Variants in KHDRBS2 observed in about 807,000 individuals in gnomAD.
KHDRBS2 encodes the protein KH domain-containing, RNA-binding, signal transduction-associated protein 2.
Under a neutral mutation model 44.3 loss-of-function variants are expected in KHDRBS2, and 26 were observed. That is an observed-to-expected ratio of 0.59 (90% CI 0.43 to 0.81). The LOEUF (loss-of-function observed/expected upper bound fraction) is 0.81. KHDRBS2 is among the 40% of genes least tolerant of loss of function. The pLI, the probability that KHDRBS2 is intolerant of heterozygous loss-of-function variation, is 0.00. For synonymous variants in KHDRBS2, 194 were observed against 151.1 expected, an observed-to-expected ratio of 1.28 and a Z score of -2.08; for missense variants, 476 against 433.1, an observed-to-expected ratio of 1.10 and a Z score of -0.88.
At chr6:62,267,905 A>G (rs753393870) in intron 1 of KHDRBS2, among the ~76,000 whole-genome samples, 6 of 152,098 alleles carry the variant, frequency 3.9e-5, no homozygotes, top group Non-Finnish European at 5.9e-5. Context: ...ATTGTTCAAT[A>G]CTATGAAATT....
chr6:62,016,214 GA>G (rs1368739372), intron 3 of KHDRBS2, among the ~76,000 whole-genome samples: 1 of 151,946 alleles, frequency 6.6e-6, no homozygotes, highest in East Asian at 1.9e-4. Context: ...TTTAATAGTA[GA>G]ATGAGGTAGG....
chr6:61,544,655 G>A, the KHDRBS2 span, among the ~76,000 whole-genome samples: 1 of 152,060 alleles, frequency 6.6e-6, no homozygotes, highest in East Asian at 1.9e-4. Flanking sequence ...TTAGATAAGA[G>A]GCTCAGTAAG....
chr6:61,910,260 AG>A (rs1314691261), intron 4 of KHDRBS2, among the ~76,000 whole-genome samples: 2 of 152,224 alleles, frequency 1.3e-5, no homozygotes, highest in African/African-American at 4.8e-5. Context: ...TAGCCAACAC[AG>A]GGTGAGTTTT....
At chr6:61,554,004 T>C in the KHDRBS2 span, among the ~76,000 whole-genome samples, 8 of 152,192 alleles carry the variant, frequency 5.3e-5, 1 homozygote. Flanking sequence ...GTTTTGTAGA[T>C]GTCTCTTAGG....
the KHDRBS2 span, among the ~76,000 whole-genome samples, chr6:61,599,196 A>C: frequency 1.3e-5 from 2 of 152,006 alleles, no homozygotes; most frequent in Non-Finnish European, 2.9e-5. Context: ...GGCCTCCCAA[A>C]GTGCTGGGAT....
chr6:61,896,667 C>G (rs1269205068), intron 5 of KHDRBS2, among the ~76,000 whole-genome samples: 1 of 152,124 alleles, frequency 6.6e-6, no homozygotes, highest in East Asian at 1.9e-4. Flanking sequence ...ACCACAGTAT[C>G]CTGTCGTTTA....
rs1265978531 is a variant in KHDRBS2, at chr6:61,894,837, A to T, written c.612-4T>A. On this transcript the variant is annotated splice_polypyrimidine_tract_variant and splice_region_variant and intron_variant, in intron 5 of 8. Transcript: ENST00000281156. ...AGGAATGGCACCCCCACGGCCCCTA[A>T]GAGAAACAAGTCATGTATAGATGAG... 6.2e-7 allele frequency: 1 copy of T among 1,608,876 alleles called. No homozygotes were observed. The highest frequency in any genetic ancestry group is 8.5e-7 in the Non-Finnish European group (1 of 1,177,408).
intron 6 of KHDRBS2, among the ~76,000 whole-genome samples, chr6:61,811,027 C>G (rs183402117): frequency 6.6e-6 from 1 of 151,994 alleles, no homozygotes; most frequent in South Asian, 2.1e-4. Flanking sequence ...TTGTATGATA[C>G]TGAGGCTTGG....
chr6:62,226,198 T>C (rs1335751362), intron 1 of KHDRBS2, among the ~76,000 whole-genome samples: 2 of 152,178 alleles, frequency 1.3e-5, no homozygotes, highest in African/African-American at 2.4e-5. Flanking sequence ...CGACAGCATG[T>C]ATAGTTTCTT....
At chr6:62,044,546 A>G (rs1787256510) in intron 3 of KHDRBS2, among the ~76,000 whole-genome samples, 1 of 152,044 alleles carries the variant, frequency 6.6e-6, no homozygotes, top group Non-Finnish European at 1.5e-5. Context: ...ATTTTGTAGT[A>G]CCTTAGCAGC....
intron 2 of KHDRBS2, among the ~76,000 whole-genome samples, chr6:62,066,944 A>G (rs1170635112): frequency 6.6e-6 from 1 of 151,632 alleles, no homozygotes; most frequent in Non-Finnish European, 1.5e-5. Flanking sequence ...ATTATAAAAA[A>G]GATATGCCTT....
chr6:62,209,685 C>A (rs1400516902), intron 1 of KHDRBS2, among the ~76,000 whole-genome samples: 3 of 152,136 alleles, frequency 2.0e-5, no homozygotes, highest in African/African-American at 7.2e-5. Flanking sequence ...GGCAGACCCA[C>A]CCTCAATCTG....
chr6:62,253,201 C>T (rs1836826410), intron 1 of KHDRBS2, among the ~76,000 whole-genome samples: 2 of 152,012 alleles, frequency 1.3e-5, no homozygotes, highest in South Asian at 4.1e-4. Context: ...ATTTCTGCAA[C>T]ATCATTTCCA....
chr6:62,094,974 G>A (rs531067952), intron 2 of KHDRBS2, among the ~76,000 whole-genome samples: 2 of 151,684 alleles, frequency 1.3e-5, no homozygotes, highest in Admixed American at 6.6e-5. Context: ...ATTGTAGTAC[G>A]TTTCACAATA....
the KHDRBS2 span, among the ~76,000 whole-genome samples, chr6:61,588,233 A>T: frequency 1.3e-5 from 2 of 152,184 alleles, no homozygotes; most frequent in Non-Finnish European, 2.9e-5. Flanking sequence ...TCTCCATGCA[A>T]ATATGAGTGA....
intron 4 of KHDRBS2, among the ~76,000 whole-genome samples, chr6:61,935,865 A>C (rs765708301): frequency 1.3e-5 from 2 of 152,164 alleles, no homozygotes; most frequent in Non-Finnish European, 2.9e-5. Context: ...AGAGACCATC[A>C]GAGAATGACA....
At chr6:61,961,803 C>T (rs530117798) in intron 4 of KHDRBS2, among the ~76,000 whole-genome samples, 7 of 151,992 alleles carry the variant, frequency 4.6e-5, no homozygotes, top group Non-Finnish European at 1.0e-4. Context: ...GCCTTGAAGG[C>T]CATTATAAAT....
downstream of KHDRBS2, among the ~76,000 whole-genome samples, chr6:61,676,219 T>C (rs2127535958): frequency 6.6e-6 from 1 of 152,014 alleles, no homozygotes; most frequent in Middle Eastern, 3.4e-3. Flanking sequence ...ACTCTCTGTC[T>C]CTGGAGAAGC....
At chr6:62,182,966 C>A (rs1487606520) in intron 1 of KHDRBS2, among the ~76,000 whole-genome samples, 2 of 151,690 alleles carry the variant, frequency 1.3e-5, no homozygotes, top group African/African-American at 4.8e-5. Context: ...ACTTTCTTAA[C>A]CCATGTGATT....
Sources: allele counts gnomAD v4.1 joint callset (sites outside exome capture counted in the v4.1 genomes callset), GRCh38; gene constraint gnomAD v4.1.1; transcripts MANE v1.5; gene names NCBI Gene and HGNC (gene_info 2026-07-23, HGNC 2026-07-21).